Variants in DHRS4L2 observed in about 807,000 individuals in gnomAD.
DHRS4L2 encodes the protein dehydrogenase/reductase SDR family member 4-like 2.
In DHRS4L2, 22 loss-of-function variants were observed where a neutral mutation model predicts 23.9. The ratio of observed to expected loss-of-function variants is 0.92; its 90% CI spans 0.66 to 1.31. The LOEUF (loss-of-function observed/expected upper bound fraction) is 1.31. Ranked by LOEUF, DHRS4L2 falls within the 40% of genes most tolerant of loss-of-function variation. The pLI, the probability that DHRS4L2 is intolerant of heterozygous loss-of-function variation, is 0.00. For synonymous variants in DHRS4L2, 141 were observed against 123.7 expected (o/e 1.14, Z -0.93); for missense variants, 385 against 303.3 (o/e 1.27, Z -2.00).
At chr14:24,001,204 C>A in intron 5 of DHRS4L2, 120 bp downstream of exon 5, 2 of 1,591,802 alleles carry the variant, frequency 1.3e-6, no homozygotes, top group Non-Finnish European at 1.7e-6. Flanking sequence ...TCCCTGCCCA[C>A]AAAATAGATG....
chr14:23,999,341 TTG>T (rs1199210132), intron 3 of DHRS4L2, among the ~76,000 whole-genome samples: 18 of 110,362 alleles, frequency 1.6e-4, no homozygotes, highest in South Asian at 3.3e-4. Context: ...AAACTCCAAT[TTG>T]TAAAAAAAAA....
At chr14:23,990,578 C>T (rs2034249767) in intron 2 of DHRS4L2, among the ~76,000 whole-genome samples, 1 of 151,470 alleles carries the variant, frequency 6.6e-6, no homozygotes, top group African/African-American at 2.4e-5. Context: ...AAAGAAACAG[C>T]TGGTACTGGT....
intron 1 of DHRS4L2, among the ~76,000 whole-genome samples, chr14:23,978,246 G>C (rs959436441): frequency 2.0e-5 from 3 of 150,512 alleles, no homozygotes; most frequent in Non-Finnish European, 2.9e-5. Flanking sequence ...AGCATTGTTT[G>C]AAATAGCAAA....
upstream of DHRS4L2, among the ~76,000 whole-genome samples, chr14:23,986,052 T>A (rs1298839130): frequency 1.3e-5 from 2 of 151,318 alleles, no homozygotes; most frequent in Non-Finnish European, 2.9e-5. Flanking sequence ...GAGACGAGGT[T>A]TCATCATCTC....
intron 3 of DHRS4L2, among the ~76,000 whole-genome samples, chr14:23,998,467 A>T (rs571963672): frequency 0.013 from 1,906 of 150,592 alleles, 140 homozygotes; most frequent in Admixed American, 0.11. Context: ...TACATTGAAA[A>T]TCTGTTGTTT....
chr14:23,990,407 C>T (rs1376893440), intron 2 of DHRS4L2, 48 bp downstream of exon 2: 1 of 1,558,310 alleles, frequency 6.4e-7, no homozygotes, highest in South Asian at 1.2e-5. Flanking sequence ...GAAAAGGAAG[C>T]CAGCCTGAGC....
At chr14:23,989,196 G>T in intron 1 of DHRS4L2, 121 bp downstream of exon 1, 4 of 1,472,132 alleles carry the variant, frequency 2.7e-6, no homozygotes, top group Non-Finnish European at 3.6e-6. Flanking sequence ...TCTGGCCATG[G>T]AAAAAAAGTA....
At chr14:23,976,027 C>T (rs972745864) in intron 1 of DHRS4L2, among the ~76,000 whole-genome samples, 22 of 151,176 alleles carry the variant, frequency 1.5e-4, no homozygotes, top group African/African-American at 4.9e-4. Flanking sequence ...TAGACAGTAC[C>T]ATTCAGGACA....
At chr14:23,995,812 A>G (rs1385905860) in intron 3 of DHRS4L2, among the ~76,000 whole-genome samples, 1 of 151,938 alleles carries the variant, frequency 6.6e-6, no homozygotes, top group East Asian at 1.9e-4. Flanking sequence ...ATTAAGGTTA[A>G]TATTCCCACA....
chr14:24,001,341 G>A, intron 5 of DHRS4L2, 43 bp from the exon 6 acceptor site: 1 of 1,589,818 alleles, frequency 6.3e-7, no homozygotes, highest in Non-Finnish European at 8.5e-7. Flanking sequence ...AACCAAGAAT[G>A]ACCTGGAAAC....
intron 3 of DHRS4L2, among the ~76,000 whole-genome samples, chr14:23,999,367 A>AAAAAAAAAAAAAAAAAAACAAAAC (rs1555330042): frequency 8.6e-6 from 1 of 116,802 alleles, no homozygotes; most frequent in Non-Finnish European, 1.8e-5. Context: ...AAAAAAAAAA[A>AAAAAAAAAAAAAAAAAAACAAAAC]AAAAAAACAA....
chr14:23,988,318 G>A (rs1183442699), upstream of DHRS4L2, among the ~76,000 whole-genome samples: 9 of 148,302 alleles, frequency 6.1e-5, 1 homozygote, highest in Admixed American at 6.2e-4. Flanking sequence ...ATGAGATCCT[G>A]TTTTGCCAAT....
chr14:23,984,980 T>G (rs2034115357), upstream of DHRS4L2, among the ~76,000 whole-genome samples: 1 of 150,844 alleles, frequency 6.6e-6, no homozygotes. Flanking sequence ...ATTTACTGAG[T>G]AAAGGAGATA....
chr14:23,982,048 ATCC>A (rs34847381), intron 1 of DHRS4L2, among the ~76,000 whole-genome samples: 10,158 of 151,606 alleles, frequency 0.067, 613 homozygotes, highest in East Asian at 0.2. Flanking sequence ...TCTTTTATTA[ATCC>A]TCCTCAGCAC....
At chr14:23,980,908 A>G (rs547135526) in intron 1 of DHRS4L2, among the ~76,000 whole-genome samples, 2 of 151,784 alleles carry the variant, frequency 1.3e-5, no homozygotes, top group East Asian at 3.9e-4. Flanking sequence ...ACAAGGATGC[A>G]TTCTCTCACC....
intron 2 of DHRS4L2, among the ~76,000 whole-genome samples, chr14:23,994,353 G>A (rs904284596): frequency 9.2e-5 from 14 of 151,652 alleles, no homozygotes; most frequent in Admixed American, 2.0e-4. Context: ...AGAAAAGAGC[G>A]TCAGAGACAG....
chr14:24,001,357 G>A, intron 5 of DHRS4L2, 27 bp from the exon 6 acceptor site: 1 of 1,599,028 alleles, frequency 6.3e-7, no homozygotes, highest in Non-Finnish European at 8.5e-7. Context: ...GAAACTATGA[G>A]TCTAACACAT....
upstream of DHRS4L2, chr14:23,988,865 C>A (rs1445217380): frequency 6.6e-6 from 10 of 1,524,456 alleles, no homozygotes; most frequent in Admixed American, 3.7e-5. Context: ...GGCAGGGAAG[C>A]GGCCCGCCCT....
chr14:23,991,061 C>G (rs1366832302), intron 2 of DHRS4L2: 1 of 222,846 alleles, frequency 4.5e-6, no homozygotes, highest in Non-Finnish European at 7.5e-6. Context: ...AAAGGAAGCT[C>G]CTCTTCCCTT....
Sources: gnomAD v4.1 joint callset for allele counts (sites outside exome capture counted in the v4.1 genomes callset) on GRCh38, gnomAD v4.1.1 for gene constraint, MANE v1.5 for transcripts, NCBI Gene and HGNC (gene_info 2026-07-23, HGNC 2026-07-21) for gene names.